SLC35F1: variants seen among roughly 807,000 people sequenced by gnomAD.
The protein encoded by SLC35F1 is chromosome 6 open reading frame 169.
SLC35F1 carries 14 observed loss-of-function variants against 48.7 expected under a neutral mutation model. The ratio of observed to expected loss-of-function variants is 0.29; its 90% confidence interval spans 0.19 to 0.45. SLC35F1 has a LOEUF of 0.45. Among genes scored for constraint, SLC35F1 ranks in the 20% least tolerant of loss-of-function variants. SLC35F1 has a pLI of 1.00. For synonymous variants in SLC35F1, 190 were observed against 202.2 expected (o/e 0.94, Z 0.51); for missense variants, 404 against 500.0 (o/e 0.81, Z 1.83).
At chr6:118,265,339 G>A (rs1775758763) in intron 3 of SLC35F1, among the ~76,000 whole-genome samples, 2 of 152,120 alleles carry the variant, frequency 1.3e-5, no homozygotes, top group African/African-American at 4.8e-5. Context: ...AACTCTTATT[G>A]AATACTCCTC....
At chr6:118,224,372 G>T (rs1775188155) in intron 2 of SLC35F1, among the ~76,000 whole-genome samples, 1 of 152,094 alleles carries the variant, frequency 6.6e-6, no homozygotes, top group South Asian at 2.1e-4. Flanking sequence ...ACCTGGAAAG[G>T]AAACTAGTTG....
At chr6:117,951,803 A>G (rs1301010791) in intron 1 of SLC35F1, among the ~76,000 whole-genome samples, 6 of 152,180 alleles carry the variant, frequency 3.9e-5, no homozygotes, top group Non-Finnish European at 7.3e-5. Context: ...TTGCCAAACA[A>G]TGTCAATGGT....
chr6:118,249,872 T>C (rs1188466582), intron 3 of SLC35F1, among the ~76,000 whole-genome samples: 1 of 151,944 alleles, frequency 6.6e-6, no homozygotes, highest in East Asian at 1.9e-4. Flanking sequence ...GCTCTGTGAG[T>C]AGTTTAGGAG....
chr6:118,248,769 G>T (rs1775538028), intron 3 of SLC35F1, among the ~76,000 whole-genome samples: 1 of 152,188 alleles, frequency 6.6e-6, no homozygotes, highest in Non-Finnish European at 1.5e-5. Flanking sequence ...AGCAGCAATG[G>T]AAAACTAATA....
chr6:118,127,224 A>G (rs7451074), intron 1 of SLC35F1, among the ~76,000 whole-genome samples: 33,653 of 151,682 alleles, frequency 0.22, 4,154 homozygotes, highest in East Asian at 0.39. Flanking sequence ...CCTTTTCTGC[A>G]TCTATTGAGA....
chr6:118,080,496 A>C (rs978554881), intron 1 of SLC35F1, among the ~76,000 whole-genome samples: 3 of 152,210 alleles, frequency 2.0e-5, no homozygotes, highest in African/African-American at 7.2e-5. Context: ...CCTGTCTTAA[A>C]ATAGTACGAT....
At chr6:118,203,770 T>C (rs1267104351) in intron 2 of SLC35F1, among the ~76,000 whole-genome samples, 1 of 152,222 alleles carries the variant, frequency 6.6e-6, no homozygotes, top group African/African-American at 2.4e-5. Flanking sequence ...ATACATGCCA[T>C]TTGCTGTGGT....
intron 1 of SLC35F1, among the ~76,000 whole-genome samples, chr6:118,079,936 T>C (rs981954801): frequency 6.6e-6 from 1 of 152,182 alleles, no homozygotes; most frequent in African/African-American, 2.4e-5. Flanking sequence ...TCTCTTACTT[T>C]CTATGTTAAG....
chr6:118,156,441 G>A (rs1774142592), intron 2 of SLC35F1, among the ~76,000 whole-genome samples: 2 of 151,984 alleles, frequency 1.3e-5, no homozygotes, highest in Non-Finnish European at 2.9e-5. Flanking sequence ...TGCAAATACC[G>A]CATGTTCTCA....
At chr6:117,925,582 T>G (rs1048051157) in intron 1 of SLC35F1, among the ~76,000 whole-genome samples, 3 of 152,210 alleles carry the variant, frequency 2.0e-5, no homozygotes, top group Non-Finnish European at 4.4e-5. Context: ...TTTGTTTGAC[T>G]TGCAGCTGAA....
intron 1 of SLC35F1, among the ~76,000 whole-genome samples, chr6:118,068,992 A>C (rs908568692): frequency 3.3e-5 from 5 of 152,220 alleles, no homozygotes; most frequent in African/African-American, 1.2e-4. Flanking sequence ...GCCAAAAGTC[A>C]TATAGGTACT....
chr6:118,315,463 G>T lies in SLC35F1; in HGVS notation c.*1211G>T, dbSNP rs1256292797. The T allele has an allele frequency of 8.1e-5, 11 of 135,480 alleles. No homozygotes were observed. The highest frequency in any genetic ancestry group is 2.8e-4 in the African/African-American group (10 of 35,580). 8.4% of individuals were successfully genotyped at this position (135,480 alleles called of 1,614,324 possible). On this transcript the variant is annotated 3_prime_UTR_variant, in exon 8 of 8. Coordinates refer to ENST00000360388, the MANE Select transcript of SLC35F1 (RefSeq NM_001029858.4). ...TTTTTTTTTTTTTTTTTTTTGAGAC[G>T]GAGTCTCACTCTGTCGCCCAGGCTG... is the stretch of plus-strand genomic sequence containing the variant.
At position 118,313,341 on chromosome 6, in the gene SLC35F1, T is replaced by C. The variant is rs557400055; in HGVS notation, c.1003-687T>C. On this transcript the variant is annotated intron_variant, in intron 7 of 7. Coordinates refer to ENST00000360388, the MANE Select transcript of SLC35F1 (RefSeq NM_001029858.4). ...TCTTGCGACTTGTGTAAACCAGTAT[T>C]TTCTCTCCCTCTCCCCGCAAACTCT... 5.9e-5 allele frequency among the ~76,000 whole-genome samples: 9 copies of C among 152,314 alleles called. No individual in the cohort carries two copies. The East Asian group carries it at 1.7e-3, about 29-fold the overall frequency.
chr6:118,132,253 T>C (rs959679722), intron 1 of SLC35F1, among the ~76,000 whole-genome samples: 9 of 152,138 alleles, frequency 5.9e-5, no homozygotes, highest in Non-Finnish European at 5.9e-5. Flanking sequence ...GGGCAAAATA[T>C]ATGAAGGGAA....
chr6:118,277,590 A>G, intron 6 of SLC35F1, 44 bp downstream of exon 6: 1 of 1,568,526 alleles, frequency 6.4e-7, no homozygotes, highest in Admixed American at 1.7e-5. Context: ...ATAACCTGAG[A>G]AATGTGTTTG....
At chr6:118,101,073 A>G (rs1164012088) in intron 1 of SLC35F1, among the ~76,000 whole-genome samples, 1 of 151,670 alleles carries the variant, frequency 6.6e-6, no homozygotes, top group Non-Finnish European at 1.5e-5. Context: ...TCAGATAGGA[A>G]TTTTATGACA....
At chr6:118,303,993 T>G (rs559972239) in intron 7 of SLC35F1, among the ~76,000 whole-genome samples, 1 of 152,312 alleles carries the variant, frequency 6.6e-6, no homozygotes, top group East Asian at 1.9e-4. Flanking sequence ...CTGCAAACAC[T>G]CTTTTTCCAA....
rs1237423053 is a variant in SLC35F1 at position 118,297,740 on chromosome 6, AAATATATATATAT to A, written c.1002+12415_1002+12427del. Among the ~76,000 whole-genome samples, 35 of 102,820 alleles carry A rather than the reference AAATATATATATAT, an allele frequency of 3.4e-4. 1 individual carries two copies. Among genetic ancestry groups the A allele is most frequent in the Non-Finnish European group, 5.7e-4 (29 of 51,288 alleles). The allele number at this position is 102,820 out of a possible 152,430, so 67.5% of individuals were successfully genotyped here. A position where few individuals can be genotyped will look rare whatever the true frequency, so the allele number is the denominator to read the frequency against. Reference sequence around the variant, plus strand: ...ATATATTATATATATAAGTTCTGAGAAATATATATATATAATATATATATAATATATATATATA... The same window carrying A: ...ATATATTATATATATAAGTTCTGAGAAATATATATATAATATATATATATA... On this transcript the variant is annotated intron_variant, in intron 7 of 7. Transcript: ENST00000360388.
At chr6:118,222,794 T>C (rs1775168003) in intron 2 of SLC35F1, among the ~76,000 whole-genome samples, 1 of 152,238 alleles carries the variant, frequency 6.6e-6, no homozygotes, top group Non-Finnish European at 1.5e-5. Flanking sequence ...GTTACCTTCA[T>C]GTGAAAGACT....
Sources: gnomAD v4.1 joint callset for allele counts (sites outside exome capture counted in the v4.1 genomes callset) on GRCh38, gnomAD v4.1.1 for gene constraint, MANE v1.5 for transcripts, NCBI Gene and HGNC (gene_info 2026-07-23, HGNC 2026-07-21) for gene names.